Variants in MALRD1 observed in about 807,000 individuals in gnomAD.
The protein encoded by MALRD1 is MAM and LDL receptor class A domain containing 1, also known as MAM and LDL-receptor class A domain-containing protein 1.
A neutral mutation model predicts 242.1 loss-of-function variants in MALRD1; 247 were observed. That is an observed-to-expected ratio of 1.02 (90% confidence interval 0.92 to 1.13). MALRD1 has a LOEUF of 1.13. Ranked by LOEUF, MALRD1 falls within the 50% of genes most tolerant of loss-of-function variation. MALRD1 has a pLI of 0.00. For synonymous variants in MALRD1, 995 were observed against 866.6 expected (o/e 1.15, Z -2.60); for missense variants, 2,989 against 2,533.1 (o/e 1.18, Z -3.86).
intron 29 of MALRD1, among the ~76,000 whole-genome samples, chr10:19,480,051 A>T (rs1427703513): frequency 3.3e-5 from 5 of 152,246 alleles, no homozygotes; most frequent in Non-Finnish European, 7.3e-5. Context: ...ACGTGACCAC[A>T]GGACCCAAAA....
intron 12 of MALRD1, among the ~76,000 whole-genome samples, chr10:19,165,420 A>T (rs1337504786): frequency 6.6e-6 from 1 of 151,464 alleles, no homozygotes; most frequent in East Asian, 1.9e-4. Context: ...CTTCTACCTC[A>T]GCCTTCCGAA....
chr10:19,577,682 A>G (rs1032667418), intron 33 of MALRD1, among the ~76,000 whole-genome samples: 1 of 152,194 alleles, frequency 6.6e-6, no homozygotes, highest in Non-Finnish European at 1.5e-5. Context: ...TGTCTTAAAG[A>G]TGAAGCCTTT....
At chr10:19,111,021 C>G (rs1479673530) in intron 5 of MALRD1, among the ~76,000 whole-genome samples, 2 of 152,038 alleles carry the variant, frequency 1.3e-5, no homozygotes, top group East Asian at 3.9e-4. Flanking sequence ...ATTGAGATGG[C>G]CTGTAATAAG....
chr10:19,415,779 G>C (rs1193973416), intron 28 of MALRD1, among the ~76,000 whole-genome samples: 6 of 152,104 alleles, frequency 3.9e-5, no homozygotes, highest in African/African-American at 1.4e-4. Context: ...GAAAAACCCT[G>C]CTTTGTAATA....
chr10:19,462,327 G>C (rs953276446), intron 29 of MALRD1, among the ~76,000 whole-genome samples: 1 of 152,172 alleles, frequency 6.6e-6, no homozygotes, highest in Non-Finnish European at 1.5e-5. Flanking sequence ...AGACTAGGAA[G>C]AGCCACCATG....
At chr10:19,414,058 A>T (rs1833402126) in intron 28 of MALRD1, among the ~76,000 whole-genome samples, 1 of 151,990 alleles carries the variant, frequency 6.6e-6, no homozygotes, top group African/African-American at 2.4e-5. Context: ...AAAAAAAAAA[A>T]GTTCAATTTC....
chr10:19,469,014 A>C (rs1836364518), intron 29 of MALRD1, among the ~76,000 whole-genome samples: 2 of 152,054 alleles, frequency 1.3e-5, no homozygotes, highest in Non-Finnish European at 2.9e-5. Flanking sequence ...GGCTACATAT[A>C]AAAATCTTTT....
At chr10:19,379,157 T>G (rs1472335487) in intron 26 of MALRD1, among the ~76,000 whole-genome samples, 1 of 152,124 alleles carries the variant, frequency 6.6e-6, no homozygotes, top group Non-Finnish European at 1.5e-5. Flanking sequence ...TTGTCTTTCC[T>G]TTTTCACATT....
chr10:19,339,519 A>C (rs1843748118), intron 24 of MALRD1, among the ~76,000 whole-genome samples: 1 of 152,116 alleles, frequency 6.6e-6, no homozygotes, highest in African/African-American at 2.4e-5. Context: ...ATAAATCTCA[A>C]AATTTTCAGT....
At chr10:19,262,330 G>A (rs753803521) in intron 19 of MALRD1, among the ~76,000 whole-genome samples, 2 of 141,322 alleles carry the variant, frequency 1.4e-5, no homozygotes, top group Admixed American at 8.0e-5. Context: ...CTCTAACCTC[G>A]TGTAGTTACC....
chr10:19,284,498 G>A (rs946309568), intron 21 of MALRD1, among the ~76,000 whole-genome samples: 70 of 147,438 alleles, frequency 4.7e-4, no homozygotes, highest in South Asian at 2.6e-3. Flanking sequence ...GAGAATATGC[G>A]GTGTTTGGTT....
intron 29 of MALRD1, 44 bp downstream of exon 29, chr10:19,450,534 T>C (rs1467595045): frequency 2.7e-6 from 4 of 1,463,402 alleles, no homozygotes; most frequent in Non-Finnish European, 3.7e-6. Flanking sequence ...ACATTTTTAA[T>C]CTAGCCATTT....
chr10:19,116,008 G>A (rs1326132719), intron 5 of MALRD1, among the ~76,000 whole-genome samples: 2 of 152,142 alleles, frequency 1.3e-5, no homozygotes, highest in African/African-American at 4.8e-5. Context: ...GAAAGAAATT[G>A]TTTAGCCTAT....
At chr10:19,125,302 C>T (rs748994430) in intron 7 of MALRD1, among the ~76,000 whole-genome samples, 3,091 of 56,870 alleles carry the variant, frequency 0.054, 197 homozygotes, top group South Asian at 0.1. Flanking sequence ...TCCTTCCTTC[C>T]TTCCTTCCTT....
intron 14 of MALRD1, among the ~76,000 whole-genome samples, chr10:19,198,324 C>T (rs1368661744): frequency 6.6e-6 from 1 of 152,136 alleles, no homozygotes; most frequent in African/African-American, 2.4e-5. Context: ...CTCTCCATGT[C>T]CCCTGAGAAA....
At chr10:19,596,698 C>T (rs571176687) in intron 34 of MALRD1, among the ~76,000 whole-genome samples, 2 of 151,934 alleles carry the variant, frequency 1.3e-5, no homozygotes, top group South Asian at 4.2e-4. Context: ...GCCACTGTAC[C>T]ACTGCACCCC....
At chr10:19,324,527 A>G (rs1289416000) in intron 22 of MALRD1, among the ~76,000 whole-genome samples, 1 of 152,032 alleles carries the variant, frequency 6.6e-6, no homozygotes, top group African/African-American at 2.4e-5. Context: ...AAAAACGTTA[A>G]GCTGTTTTAA....
Position 19,606,064 on chromosome 10 carries a change from G to A in MALRD1, c.5945-1713G>A, listed in dbSNP as rs149756728. Among the ~76,000 whole-genome samples the A allele has an allele frequency of 9.4e-4, 142 of 151,794 alleles. 1 individual carries two copies. The highest frequency in any genetic ancestry group is 3.3e-3 in the African/African-American group (136 of 41,394). Reference sequence around the variant, plus strand: ...TTCTTAAAAACACTATTTTTTTTACGTCCAACTTTAAAATATATTTTAATG... The same window carrying A: ...TTCTTAAAAACACTATTTTTTTTACATCCAACTTTAAAATATATTTTAATG... On this transcript the variant is annotated intron_variant, in intron 34 of 39. Coordinates refer to ENST00000454679, the MANE Select transcript of MALRD1 (RefSeq NM_001142308.3).
chr10:19,409,294 A>G (rs1306871475), intron 28 of MALRD1, among the ~76,000 whole-genome samples: 1 of 152,176 alleles, frequency 6.6e-6, no homozygotes, highest in Non-Finnish European at 1.5e-5. Context: ...TCCTTCAGAA[A>G]TAGATAACAG....
Sources: gnomAD v4.1 joint callset for allele counts (sites outside exome capture counted in the v4.1 genomes callset) on GRCh38, gnomAD v4.1.1 for gene constraint, MANE v1.5 for transcripts, NCBI Gene and HGNC (gene_info 2026-07-23, HGNC 2026-07-21) for gene names.